NAA25: variants seen among roughly 807,000 people sequenced by gnomAD.
NAA25 encodes N-terminal acetyltransferase B complex subunit NAA25.
A neutral mutation model predicts 132.5 loss-of-function variants in NAA25; 30 were observed. The observed-to-expected ratio is 0.23, with a 90% confidence interval of 0.17 to 0.31. NAA25 has a LOEUF of 0.31. Ranked by LOEUF, NAA25 falls within the 10% of genes least tolerant of loss-of-function variation. The probability of loss-of-function intolerance (pLI) is 1.00; values close to 1 mark genes in which losing one functional copy is unlikely to be tolerated. For synonymous variants in NAA25, 359 were observed against 401.9 expected, an observed-to-expected ratio of 0.89 and a Z score of 1.28; for missense variants, 771 against 1,150.4, an observed-to-expected ratio of 0.67 and a Z score of 4.77.
At chr12:112,074,162 G>A (rs1566020084) in intron 9 of NAA25, among the ~76,000 whole-genome samples, 4 of 151,944 alleles carry the variant, frequency 2.6e-5, no homozygotes. Context: ...CCAACACGGT[G>A]AAACCCCGTC....
intron 11 of NAA25, among the ~76,000 whole-genome samples, chr12:112,063,091 G>A: frequency 1.3e-5 from 2 of 151,752 alleles, no homozygotes; most frequent in African/African-American, 4.9e-5. Flanking sequence ...AATACATGAA[G>A]AAATGAGAGA....
At chr12:112,082,872 T>C (rs1444643089) in intron 4 of NAA25, among the ~76,000 whole-genome samples, 1 of 151,766 alleles carries the variant, frequency 6.6e-6, no homozygotes, top group Non-Finnish European at 1.5e-5. Context: ...CAACGCGAAG[T>C]AGGAGAAAAA....
At chr12:112,047,861 C>T in intron 16 of NAA25, 71 bp from the exon 17 acceptor site, 2 of 1,424,978 alleles carry the variant, frequency 1.4e-6, no homozygotes, top group Non-Finnish European at 1.9e-6. Flanking sequence ...ATCAGGACTT[C>T]CTGTTTTACT....
rs755076956 is a variant in NAA25 at position 112,043,751 on chromosome 12, C to T, written c.2124G>A (p.Glu708=). Residue 708 remains glutamate (E), a synonymous_variant, in exon 18 of 24, where the codon GAG becomes GAA. Coordinates refer to ENST00000261745, the MANE Select transcript of NAA25 (RefSeq NM_024953.4). The part of the protein sequence containing the change: ...SGLPSLNHPV[E]PKNSEKTAEN... ...CGGCAGTCTTCTCCGAGTTCTTTGG[C>T]TCCACAGGGTGGTTGAGACTTGGAA... 1 of 1,614,020 alleles carries T rather than the reference C, an allele frequency of 6.2e-7. No homozygotes were observed. Among genetic ancestry groups the T allele is most frequent in the Admixed American group, 1.7e-5 (1 of 59,992 alleles).
At chr12:112,075,915 T>A in intron 7 of NAA25, 126 bp from the exon 8 acceptor site, 1 of 699,352 alleles carries the variant, frequency 1.4e-6, no homozygotes, top group Middle Eastern at 4.2e-4. Context: ...GGAGTTTCAC[T>A]CTTGTCACCC....
chr12:112,052,739 C>T (rs2078485628), intron 15 of NAA25, among the ~76,000 whole-genome samples: 1 of 152,202 alleles, frequency 6.6e-6, no homozygotes. Flanking sequence ...CAGAAACTAG[C>T]TTCCTTGCTA....
At chr12:112,067,028 C>T (rs1171226919) in intron 11 of NAA25, among the ~76,000 whole-genome samples, 1 of 152,054 alleles carries the variant, frequency 6.6e-6, no homozygotes, top group Admixed American at 6.6e-5. Flanking sequence ...ATGGTAAAAC[C>T]CCATCTCTAC....
intron 13 of NAA25, among the ~76,000 whole-genome samples, chr12:112,059,864 G>C (rs974755384): frequency 1.3e-5 from 2 of 150,608 alleles, no homozygotes; most frequent in African/African-American, 4.9e-5. Flanking sequence ...CTGAAGTGCA[G>C]TGGCATGATC....
intron 22 of NAA25, among the ~76,000 whole-genome samples, chr12:112,036,840 C>CAAAA (rs1160066916): frequency 1.0e-5 from 1 of 95,470 alleles, no homozygotes; most frequent in Non-Finnish European, 2.2e-5. Flanking sequence ...GACTCCATCT[C>CAAAA]AAAAAAAAAA....
intron 9 of NAA25, 133 bp downstream of exon 9, chr12:112,074,542 T>G: frequency 2.0e-6 from 1 of 504,492 alleles, no homozygotes; most frequent in Non-Finnish European, 3.5e-6. Flanking sequence ...TTAAAAAATA[T>G]GAAAAAATGT....
intron 22 of NAA25, among the ~76,000 whole-genome samples, chr12:112,036,651 C>T (rs1265275856): frequency 6.6e-6 from 1 of 151,952 alleles, no homozygotes; most frequent in Non-Finnish European, 1.5e-5. Flanking sequence ...GAGTTAGAGA[C>T]CAGCCTGGGC....
At chr12:112,066,482 G>A (rs2078720814) in intron 11 of NAA25, among the ~76,000 whole-genome samples, 1 of 151,080 alleles carries the variant, frequency 6.6e-6, no homozygotes, top group Non-Finnish European at 1.5e-5. Context: ...TGAGCTCCCT[G>A]TAGAACTTCC....
chr12:112,072,178 A>C, intron 9 of NAA25, 114 bp from the exon 10 acceptor site: 3 of 750,700 alleles, frequency 4.0e-6, no homozygotes, highest in Non-Finnish European at 6.2e-6. Context: ...ATATAAAATA[A>C]TAGAAAAAGG....
At chr12:112,046,919 T>C (rs1368222493) in intron 17 of NAA25, among the ~76,000 whole-genome samples, 1 of 152,338 alleles carries the variant, frequency 6.6e-6, no homozygotes, top group Non-Finnish European at 1.5e-5. Flanking sequence ...AGTTAAATCC[T>C]TTATGTTTCC....
chr12:112,086,641 T>C (rs1383886148), intron 4 of NAA25, among the ~76,000 whole-genome samples: 1 of 152,110 alleles, frequency 6.6e-6, no homozygotes, highest in Non-Finnish European at 1.5e-5. Context: ...TGATATTTAA[T>C]GTAAAGAATA....
chr12:112,054,267 C>A, intron 14 of NAA25, 121 bp downstream of exon 14: 1 of 858,584 alleles, frequency 1.2e-6, no homozygotes, highest in Non-Finnish European at 1.8e-6. Context: ...TGGATCATAA[C>A]AGGTTATTAT....
chr12:112,100,372 A>G (rs1006312753), intron 1 of NAA25, among the ~76,000 whole-genome samples: 7 of 152,058 alleles, frequency 4.6e-5, no homozygotes, highest in Non-Finnish European at 1.0e-4. Flanking sequence ...CATGTTGGCC[A>G]GGATGGTCTC....
chr12:112,060,766 A>C (rs2078615989), intron 12 of NAA25, among the ~76,000 whole-genome samples: 1 of 152,232 alleles, frequency 6.6e-6, no homozygotes, highest in Non-Finnish European at 1.5e-5. Context: ...TGTCTATCAC[A>C]TATATCTAGC....
In NAA25 at chr12:112,029,339, C is replaced by T; in HGVS notation, c.*192G>A. On this transcript the variant is annotated 3_prime_UTR_variant, in exon 24 of 24. Transcript: ENST00000261745. The stretch of plus-strand genomic sequence containing the variant: ...TGGTCAAACCCAGATGAGGGTCCCG[C>T]TTCTGGTTTATATACAATAATTTAA... The T allele has an allele frequency of 1.2e-6, 1 of 845,276 alleles. No individual in the cohort carries two copies. Among genetic ancestry groups the T allele is most frequent in the Non-Finnish European group, 1.7e-6 (1 of 576,812 alleles). The allele number at this position is 845,276 out of a possible 1,614,324, so 52.4% of individuals were successfully genotyped here.
Sources: gnomAD v4.1 joint callset for allele counts (sites outside exome capture counted in the v4.1 genomes callset) on GRCh38, gnomAD v4.1.1 for gene constraint, MANE v1.5 for transcripts, NCBI Gene and HGNC (gene_info 2026-07-23, HGNC 2026-07-21) for gene names.